Variants in MXD1 observed in about 807,000 individuals in gnomAD.
MXD1 encodes MAX-binding protein.
MXD1 carries 9 observed loss-of-function variants against 25.7 expected under a neutral mutation model. That is an observed-to-expected ratio of 0.35 (90% CI 0.21 to 0.61). The LOEUF is 0.61. Ranked by LOEUF, MXD1 falls within the 20% of genes least tolerant of loss-of-function variation. MXD1 has a pLI of 0.75. For missense variants in MXD1, 227 were observed against 292.4 expected (o/e 0.78, Z 1.63); for synonymous variants, 99 against 113.9 (o/e 0.87, Z 0.83).
intron 3 of MXD1, among the ~76,000 whole-genome samples, chr2:69,923,581 C>T (rs1384287784): frequency 4.0e-5 from 6 of 150,304 alleles, no homozygotes; most frequent in Admixed American, 1.3e-4. Context: ...TATGGAATTT[C>T]GTGTGTGTGT....
At chr2:69,933,839 A>G (rs1677357087) in intron 3 of MXD1, among the ~76,000 whole-genome samples, 1 of 152,228 alleles carries the variant, frequency 6.6e-6, no homozygotes, top group African/African-American at 2.4e-5. Context: ...AAGAGGAAAA[A>G]GGGCAAACCT....
chr2:69,921,576 A>G (rs1360051399), intron 2 of MXD1, among the ~76,000 whole-genome samples, 160 bp from the exon 3 acceptor site: 1 of 152,172 alleles, frequency 6.6e-6, no homozygotes, highest in Non-Finnish European at 1.5e-5. Context: ...TAACTCTTCA[A>G]ATGGACTAAT....
intron 3 of MXD1, among the ~76,000 whole-genome samples, chr2:69,931,414 G>A (rs1294908910): frequency 1.3e-5 from 2 of 151,790 alleles, no homozygotes; most frequent in African/African-American, 4.8e-5. Context: ...CAAAAAATAA[G>A]TGAGAATATG....
chr2:69,918,092 C>T (rs2104159125), intron 2 of MXD1, among the ~76,000 whole-genome samples: 1 of 152,272 alleles, frequency 6.6e-6, no homozygotes, highest in South Asian at 2.1e-4. Context: ...TTCTGAGGAA[C>T]AAGCAATCAT....
At chr2:69,931,373 C>G (rs1053541120) in intron 3 of MXD1, among the ~76,000 whole-genome samples, 4 of 151,980 alleles carry the variant, frequency 2.6e-5, no homozygotes, top group Admixed American at 6.6e-5. Flanking sequence ...CTCTCTATGT[C>G]TGTGAGTTCA....
intron 2 of MXD1, among the ~76,000 whole-genome samples, chr2:69,918,956 A>G (rs1304339832): frequency 6.6e-6 from 1 of 152,172 alleles, no homozygotes; most frequent in South Asian, 2.1e-4. Context: ...GTTTCAGTAA[A>G]CTAGATGCAC....
At chr2:69,933,214 A>C (rs1241910643) in intron 3 of MXD1, among the ~76,000 whole-genome samples, 17 of 151,336 alleles carry the variant, frequency 1.1e-4, no homozygotes, top group South Asian at 1.0e-3. Context: ...AAAAAAAAAA[A>C]AAAAAAAAAA....
rs1677504197 is a variant in MXD1, at chr2:69,938,191, C to G, written c.573C>G (p.Ser191Arg). ...TGAGCGACTCTGACGAGCGGGGCAG[C>G]ATGCAGAGCCTCGGCAGTGATGAGG... is the stretch of plus-strand genomic sequence containing the variant. The part of the protein sequence containing the change: ...SSVSDSDERG[S>R]MQSLGSDEGY... The change falls in exon 6 of 6, where the codon AGC becomes AGG. Residue 191 changes from serine to arginine, a missense_variant. Physicochemically the swap from Ser to Arg is moderately radical, Grantham distance 110 (BLOSUM62 -1). Coordinates refer to ENST00000264444, the MANE Select transcript of MXD1 (RefSeq NM_002357.4). 1 of 1,614,104 alleles carries G rather than the reference C, an allele frequency of 6.2e-7. No individual in the cohort carries two copies. Among genetic ancestry groups the G allele is most frequent in the Admixed American group, 1.7e-5 (1 of 60,004 alleles).
At chr2:69,935,645 C>T (rs926944118) in intron 4 of MXD1, among the ~76,000 whole-genome samples, 180 bp downstream of exon 4, 2 of 152,110 alleles carry the variant, frequency 1.3e-5, no homozygotes, top group Non-Finnish European at 2.9e-5. Flanking sequence ...TCCCATGCAC[C>T]AGAGGTTAAA....
intron 2 of MXD1, among the ~76,000 whole-genome samples, chr2:69,919,856 A>G (rs1273651183): frequency 2.0e-5 from 3 of 151,458 alleles, no homozygotes; most frequent in Non-Finnish European, 4.4e-5. Flanking sequence ...ATTTCTTTTT[A>G]ATTGAGATGG....
chr2:69,918,196 G>A (rs1375988548), intron 2 of MXD1, among the ~76,000 whole-genome samples: 1 of 152,210 alleles, frequency 6.6e-6, no homozygotes, highest in Non-Finnish European at 1.5e-5. Flanking sequence ...AGGATAGGGA[G>A]AGATTACTGC....
chr2:69,922,996 A>G (rs189200425), intron 3 of MXD1, among the ~76,000 whole-genome samples: 61 of 150,850 alleles, frequency 4.0e-4, no homozygotes, highest in African/African-American at 1.4e-3. Flanking sequence ...ACCTATTCCC[A>G]TGAAGTATTT....
chr2:69,917,699 A>C (rs949947037), intron 2 of MXD1, among the ~76,000 whole-genome samples: 3 of 152,136 alleles, frequency 2.0e-5, no homozygotes, highest in African/African-American at 7.2e-5. Context: ...AGTGGGGATA[A>C]GAAAATGAGA....
chr2:69,938,361 C>A lies in MXD1; in HGVS notation c.*77C>A. 1.4e-6 allele frequency: 2 copies of A among 1,464,728 alleles called. No individual in the cohort carries two copies. The highest frequency in any genetic ancestry group is 1.3e-5 in the South Asian group (1 of 79,696). 90.7% of individuals were successfully genotyped at this position (1,464,728 alleles called of 1,614,324 possible). ...TTAGGTAACGTATTGGACCTGCCCA[C>A]AACTCCCTTGCACGTAAACTTCAGT... On this transcript the variant is annotated 3_prime_UTR_variant, in exon 6 of 6. Transcript: ENST00000264444.
At chr2:69,930,662 A>G (rs571738000) in intron 3 of MXD1, among the ~76,000 whole-genome samples, 2 of 152,252 alleles carry the variant, frequency 1.3e-5, no homozygotes, top group African/African-American at 4.8e-5. Context: ...TATTCAGAAA[A>G]GTGGATTTTG....
intron 2 of MXD1, among the ~76,000 whole-genome samples, chr2:69,920,149 C>T (rs1251077694): frequency 1.3e-5 from 2 of 152,048 alleles, no homozygotes; most frequent in Non-Finnish European, 2.9e-5. Context: ...CCACCACGCC[C>T]GGCTAATTTT....
intron 2 of MXD1, among the ~76,000 whole-genome samples, chr2:69,918,386 T>C (rs1025089184): frequency 3.9e-5 from 6 of 152,244 alleles, no homozygotes; most frequent in African/African-American, 1.4e-4. Flanking sequence ...CTCTAGTTGC[T>C]TATTAAAACA....
intron 4 of MXD1, chr2:69,937,023 A>G: frequency 1.5e-6 from 1 of 687,658 alleles, no homozygotes; most frequent in Non-Finnish European, 2.7e-6. Context: ...TGACAGGACA[A>G]GTACCCCCAG....
chr2:69,922,371 A>G (rs1677083817), intron 3 of MXD1, among the ~76,000 whole-genome samples: 2 of 152,028 alleles, frequency 1.3e-5, no homozygotes, highest in Non-Finnish European at 2.9e-5. Flanking sequence ...TTAAATCTTT[A>G]TTTTCCAAAT....
Sources: allele counts gnomAD v4.1 joint callset (sites outside exome capture counted in the v4.1 genomes callset), GRCh38; gene constraint gnomAD v4.1.1; transcripts MANE v1.5; gene names NCBI Gene and HGNC (gene_info 2026-07-23, HGNC 2026-07-21).